KCTD7: variants seen among roughly 807,000 people sequenced by gnomAD.
The protein encoded by KCTD7 is potassium channel tetramerization domain containing 7.
In KCTD7, 15 loss-of-function variants were observed where a neutral mutation model predicts 27.0. The ratio of observed to expected loss-of-function variants is 0.56; its 90% CI spans 0.37 to 0.86. The LOEUF is 0.86. Among genes scored for constraint, KCTD7 ranks in the 40% least tolerant of loss-of-function variants. KCTD7 has a pLI of 0.00. For missense variants in KCTD7, 299 were observed against 398.9 expected, an observed-to-expected ratio of 0.75 and a Z score of 2.13; for synonymous variants, 159 against 162.7, an observed-to-expected ratio of 0.98 and a Z score of 0.17.
At chr7:66,632,929 C>T (rs747343439) in intron 1 of KCTD7, among the ~76,000 whole-genome samples, 25 of 151,398 alleles carry the variant, frequency 1.7e-4, no homozygotes, top group South Asian at 4.2e-4. Context: ...TGGTGGAGGG[C>T]GCCTGTAGTC....
intron 1 of KCTD7, among the ~76,000 whole-genome samples, chr7:66,630,338 C>A (rs1171590821): frequency 2.0e-5 from 3 of 152,096 alleles, no homozygotes; most frequent in Non-Finnish European, 2.9e-5. Flanking sequence ...CACTTGTAAT[C>A]CCAGCACTTT....
chr7:66,640,689 C>A lies in KCTD7; in HGVS notation c.*1457C>A. On this transcript the variant is annotated 3_prime_UTR_variant, in exon 4 of 4. Transcript: ENST00000639828. ...CTTGGGCACACGCCTGTAGTCCAGG[C>A]CACTCGAGCACACACCTGTAGTACC... 1 of 1,260,772 alleles carries A rather than the reference C, an allele frequency of 7.9e-7. No individual in the cohort carries two copies. Among genetic ancestry groups the A allele is most frequent in the Non-Finnish European group, 1.0e-6 (1 of 999,852 alleles). The allele number at this position is 1,260,772 out of a possible 1,614,324, so 78.1% of individuals were successfully genotyped here.
intron 2 of KCTD7, among the ~76,000 whole-genome samples, chr7:66,634,092 G>A (rs13307386): frequency 1.5e-5 from 2 of 129,500 alleles, no homozygotes; most frequent in Admixed American, 8.5e-5. Flanking sequence ...ATATATATAT[G>A]TATATATGGG....
intron 3 of KCTD7, 83 bp downstream of exon 3, chr7:66,638,514 A>T: frequency 7.1e-7 from 1 of 1,398,696 alleles, no homozygotes; most frequent in East Asian, 2.3e-5. Context: ...CCATCAGAAC[A>T]CCGGGGGCAG....
chr7:66,641,345 CAGAG>C lies in KCTD7; in HGVS notation c.*2116_*2119del. The C allele has an allele frequency of 1.0e-6, 1 of 985,368 alleles. No homozygotes were observed. The highest frequency in any genetic ancestry group is 1.2e-6 in the Non-Finnish European group (1 of 829,926). The allele number at this position is 985,368 out of a possible 1,614,324, so 61.0% of individuals were successfully genotyped here. On this transcript the variant is annotated 3_prime_UTR_variant, in exon 4 of 4. Transcript: ENST00000639828. ...AGACTATTGAAAAAGTCTGTGTGAA[CAGAG>C]AGCAGTTCATTAAGCCCATTGCTTT... is the stretch of plus-strand genomic sequence containing the variant.
At chr7:66,634,862 A>G (rs566192886) in intron 2 of KCTD7, among the ~76,000 whole-genome samples, 1 of 152,164 alleles carries the variant, frequency 6.6e-6, no homozygotes, top group South Asian at 2.1e-4. Flanking sequence ...AACAACAGCA[A>G]AATAGCAGCC....
chr7:66,638,110 A>G, intron 2 of KCTD7, 143 bp from the exon 3 acceptor site: 2 of 827,274 alleles, frequency 2.4e-6, no homozygotes, highest in Non-Finnish European at 4.2e-6. Flanking sequence ...CAGACAGGGA[A>G]ACTGAGACAT....
intron 2 of KCTD7, 144 bp downstream of exon 2, chr7:66,633,588 G>A: frequency 7.9e-6 from 6 of 761,922 alleles, no homozygotes; most frequent in South Asian, 3.3e-5. Context: ...TATTGAAAGA[G>A]ATCAATTTTT....
rs926998002 is a variant in KCTD7 at position 66,641,559 on chromosome 7, T to C, written c.*2327T>C. ...GGATGCTGGGTAAGAACACCGTTCCTCTCTCTCGCTGGAGAAATCCCTGTT... is the reference window on the plus strand; with the variant it reads ...GGATGCTGGGTAAGAACACCGTTCCCCTCTCTCGCTGGAGAAATCCCTGTT... On this transcript the variant is annotated 3_prime_UTR_variant, in exon 4 of 4. Coordinates refer to ENST00000639828, the MANE Select transcript of KCTD7 (RefSeq NM_153033.5). 56 of 985,302 alleles carry C rather than the reference T, an allele frequency of 5.7e-5. No homozygotes were observed. The highest frequency in any genetic ancestry group is 6.7e-5 in the Non-Finnish European group (56 of 829,930). The allele number at this position is 985,302 out of a possible 1,614,324, so 61.0% of individuals were successfully genotyped here.
chr7:66,640,760 A>AT lies in KCTD7; in HGVS notation c.*1530dup, dbSNP rs1429783178. 9.4e-7 allele frequency: 1 copy of AT among 1,066,040 alleles called. No homozygotes were observed. Among genetic ancestry groups the AT allele is most frequent in the East Asian group, 7.4e-5 (1 of 13,550 alleles). 66.0% of individuals were successfully genotyped at this position (1,066,040 alleles called of 1,614,324 possible). On this transcript the variant is annotated 3_prime_UTR_variant, in exon 4 of 4. Transcript: ENST00000639828. ...CAGGAGGATCACTTGAGCCCAGGAG[A>AT]TTAAGACTGTAGTATACTATGATCG...
chr7:66,638,463 G>C (rs751667494), intron 3 of KCTD7, 32 bp downstream of exon 3: 1 of 1,609,082 alleles, frequency 6.2e-7, no homozygotes, highest in Non-Finnish European at 8.5e-7. Flanking sequence ...TGGTGGGTAT[G>C]TGGGAGGAGG....
Position 66,642,623 on chromosome 7 carries a change from T to C in KCTD7, c.*3391T>C. Reference sequence around the variant, plus strand: ...CTGCATATGTTCTATCCATATTTGATTCCAATATACATTATTAAGCTTTCT... The same window carrying C: ...CTGCATATGTTCTATCCATATTTGACTCCAATATACATTATTAAGCTTTCT... On this transcript the variant is annotated 3_prime_UTR_variant, in exon 4 of 4. Transcript: ENST00000639828. The C allele has an allele frequency of 1.0e-6, 1 of 985,322 alleles. No individual in the cohort carries two copies. The highest frequency in any genetic ancestry group is 4.7e-5 in the South Asian group (1 of 21,290). The allele number at this position is 985,322 out of a possible 1,614,324, so 61.0% of individuals were successfully genotyped here. A position where few individuals can be genotyped will look rare whatever the true frequency, so the allele number is the denominator to read the frequency against.
In KCTD7 at chr7:66,641,264, T is replaced by G; in HGVS notation, c.*2032T>G. ...TAAGAGAAAAGGCTTTCATTTTGGT[T>G]CTTCTGATTGGTGTTACCTACTGCC... On this transcript the variant is annotated 3_prime_UTR_variant, in exon 4 of 4. Transcript: ENST00000639828. 1.0e-6 allele frequency: 1 copy of G among 985,408 alleles called. No individual in the cohort carries two copies. The highest frequency in any genetic ancestry group is 1.2e-6 in the Non-Finnish European group (1 of 829,934). 61.0% of individuals were successfully genotyped at this position (985,408 alleles called of 1,614,324 possible).
intron 2 of KCTD7, among the ~76,000 whole-genome samples, chr7:66,637,993 A>T (rs746136381): frequency 2.6e-5 from 4 of 152,208 alleles, no homozygotes; most frequent in Non-Finnish European, 5.9e-5. Context: ...TTGCTTACTG[A>T]TAACAACAAC....
At chr7:66,635,297 C>G (rs1453351491) in intron 2 of KCTD7, among the ~76,000 whole-genome samples, 1 of 152,082 alleles carries the variant, frequency 6.6e-6, no homozygotes, top group Non-Finnish European at 1.5e-5. Context: ...CAGGCCCAGC[C>G]TGTAGTTTGT....
At chr7:66,635,366 G>T (rs1385020165) in intron 2 of KCTD7, among the ~76,000 whole-genome samples, 2 of 152,156 alleles carry the variant, frequency 1.3e-5, no homozygotes, top group Non-Finnish European at 2.9e-5. Context: ...TCCCAAGAAA[G>T]GACTTCTGAC....
At position 66,640,188 on chromosome 7, in the gene KCTD7, T is replaced by C; in HGVS notation, c.*956T>C. 7.0e-7 allele frequency: 1 copy of C among 1,438,230 alleles called. No homozygotes were observed. The highest frequency in any genetic ancestry group is 9.1e-7 in the Non-Finnish European group (1 of 1,103,782). 89.1% of individuals were successfully genotyped at this position (1,438,230 alleles called of 1,614,324 possible). A position where few individuals can be genotyped will look rare whatever the true frequency, so the allele number is the denominator to read the frequency against. On this transcript the variant is annotated 3_prime_UTR_variant, in exon 4 of 4. Coordinates refer to ENST00000639828, the MANE Select transcript of KCTD7 (RefSeq NM_153033.5). Reference sequence around the variant, plus strand: ...TTTAAACCCTGTTCCTCTGTCCTGGTAACATTCTCCTTCTAGGAGAGCCTC... The same window carrying C: ...TTTAAACCCTGTTCCTCTGTCCTGGCAACATTCTCCTTCTAGGAGAGCCTC...
At chr7:66,629,756 A>T (rs1417770494) in intron 1 of KCTD7, among the ~76,000 whole-genome samples, 1 of 152,198 alleles carries the variant, frequency 6.6e-6, no homozygotes, top group Non-Finnish European at 1.5e-5. Context: ...ATCCAACAGG[A>T]TGCTGTAGTG....
At chr7:66,629,720 G>A (rs1352911876) in intron 1 of KCTD7, among the ~76,000 whole-genome samples, 6 of 152,108 alleles carry the variant, frequency 3.9e-5, no homozygotes, top group Non-Finnish European at 7.4e-5. Context: ...ATAAAAAAAA[G>A]AAAAGAAAAA....
Sources: gnomAD v4.1 joint callset for allele counts (sites outside exome capture counted in the v4.1 genomes callset) on GRCh38, gnomAD v4.1.1 for gene constraint, MANE v1.5 for transcripts, NCBI Gene and HGNC (gene_info 2026-07-23, HGNC 2026-07-21) for gene names.